HDAC4: variants seen among roughly 807,000 people sequenced by gnomAD.
HDAC4 encodes histone deacetylase A.
Under a neutral mutation model 135.1 loss-of-function variants are expected in HDAC4, and 16 were observed. The observed-to-expected ratio is 0.12, with a 90% CI of 0.08 to 0.18. The LOEUF (loss-of-function observed/expected upper bound fraction) is 0.18, where lower values mean the gene tolerates loss of function less well. Ranked by LOEUF, HDAC4 falls within the 10% of genes least tolerant of loss-of-function variation. The pLI, the probability that HDAC4 is intolerant of heterozygous loss-of-function variation, is 1.00. For missense variants in HDAC4, 1,143 were observed against 1,511.8 expected (o/e 0.76, Z 4.05); for synonymous variants, 685 against 653.4 (o/e 1.05, Z -0.74).
intron 1 of HDAC4, among the ~76,000 whole-genome samples, chr2:239,384,451 C>CAAA (rs5839742): frequency 7.4e-5 from 7 of 95,106 alleles, no homozygotes; most frequent in African/African-American, 2.0e-4. Flanking sequence ...CCTGTCTCTA[C>CAAA]AAAAAAAAAA....
chr2:239,197,127 G>A (rs542781623), intron 3 of HDAC4, among the ~76,000 whole-genome samples: 1 of 152,292 alleles, frequency 6.6e-6, no homozygotes, highest in South Asian at 2.1e-4. Flanking sequence ...CTCCAGCTGT[G>A]TCTTAAAAAG....
chr2:239,247,874 C>T lies in HDAC4; in HGVS notation c.23-11210G>A, dbSNP rs543560856. Among the ~76,000 whole-genome samples, 30 of 152,312 alleles carry T rather than the reference C, an allele frequency of 2.0e-4. 1 individual carries two copies. In the South Asian group the frequency reaches 6.2e-3, roughly 32 times the overall value. ...GGCGCTGACCACAGTGGACCACACCCTCTCCTCCTCTCACCAAACCAGACC... is the reference window on the plus strand; with the variant it reads ...GGCGCTGACCACAGTGGACCACACCTTCTCCTCCTCTCACCAAACCAGACC... On this transcript the variant is annotated intron_variant, in intron 2 of 26. Transcript: ENST00000543185.
intron 24 of HDAC4, among the ~76,000 whole-genome samples, chr2:239,065,265 G>A (rs1408276874): frequency 6.6e-6 from 1 of 152,224 alleles, no homozygotes; most frequent in Non-Finnish European, 1.5e-5. Context: ...GTAAGTGTGT[G>A]ACCGCCTGTC....
At chr2:239,211,053 C>A (rs2046333645) in intron 3 of HDAC4, among the ~76,000 whole-genome samples, 1 of 152,168 alleles carries the variant, frequency 6.6e-6, no homozygotes, top group South Asian at 2.1e-4. Context: ...ATTTGAAAGG[C>A]TGGATGAAGC....
rs146355603 is a variant in HDAC4 at position 239,243,705 on chromosome 2, G to A, written c.23-7041C>T. On this transcript the variant is annotated intron_variant, in intron 2 of 26. Coordinates refer to ENST00000543185, the MANE Select transcript of HDAC4 (RefSeq NM_001378414.1). ...ACAAAGGTGTTGTTTTAGAACAGCTGTGAGTTTATAGAAAAATTAAAGCTA... is the reference window on the plus strand; with the variant it reads ...ACAAAGGTGTTGTTTTAGAACAGCTATGAGTTTATAGAAAAATTAAAGCTA... Among the ~76,000 whole-genome samples the A allele has an allele frequency of 1.1e-4, 16 of 152,294 alleles. No individual in the cohort carries two copies. The East Asian group carries it at 3.1e-3, about 29-fold the overall frequency.
At chr2:239,361,338 C>A (rs1388005226) in intron 1 of HDAC4, among the ~76,000 whole-genome samples, 1 of 152,134 alleles carries the variant, frequency 6.6e-6, no homozygotes, top group African/African-American at 2.4e-5. Context: ...CTTTTGGGGG[C>A]TAGAGTTAAG....
chr2:239,126,358 CCCTT>C, intron 12 of HDAC4, 94 bp downstream of exon 12: 1 of 1,597,524 alleles, frequency 6.3e-7, no homozygotes, highest in Non-Finnish European at 8.5e-7. Flanking sequence ...CTCCTGGCCT[CCCTT>C]AAGGTCAGAA....
rs1377426551 is a variant in HDAC4 at position 239,050,174 on chromosome 2, A to C, written c.*2923T>G. On this transcript the variant is annotated 3_prime_UTR_variant, in exon 27 of 27. Transcript: ENST00000543185. Reference sequence around the variant, plus strand: ...ACATTTGTGAAGCTGGAGTGAGCTGACAGATGAAACGTGCCTCCCCCTGCC... The same window carrying C: ...ACATTTGTGAAGCTGGAGTGAGCTGCCAGATGAAACGTGCCTCCCCCTGCC... 1 of 152,572 alleles carries C rather than the reference A, an allele frequency of 6.6e-6. No individual in the cohort carries two copies. The highest frequency in any genetic ancestry group is 1.5e-5 in the Non-Finnish European group (1 of 68,064). The allele number at this position is 152,572 out of a possible 1,614,324, so 9.5% of individuals were successfully genotyped here. A position where few individuals can be genotyped will look rare whatever the true frequency, so the allele number is the denominator to read the frequency against.
intron 4 of HDAC4, among the ~76,000 whole-genome samples, chr2:239,184,776 C>T (rs28392514): frequency 1.4e-5 from 1 of 73,630 alleles, no homozygotes. Flanking sequence ...TCAGTGTCTG[C>T]CCTGGAGGAT....
At chr2:239,173,470 C>G (rs2043576108) in intron 5 of HDAC4, among the ~76,000 whole-genome samples, 1 of 152,062 alleles carries the variant, frequency 6.6e-6, no homozygotes, top group South Asian at 2.1e-4. Context: ...CATATTGAAA[C>G]CCCGAGCAAA....
intron 24 of HDAC4, among the ~76,000 whole-genome samples, chr2:239,059,554 G>A (rs1236657840): frequency 6.6e-6 from 1 of 152,122 alleles, no homozygotes; most frequent in Non-Finnish European, 1.5e-5. Flanking sequence ...AAGAAATTCT[G>A]GTTGAAATGG....
intron 3 of HDAC4, among the ~76,000 whole-genome samples, chr2:239,213,237 C>T (rs1240464315): frequency 5.6e-3 from 5 of 900 alleles, no homozygotes; most frequent in South Asian, 0.17. Context: ...CAGGGAGGGG[C>T]GGGCGGGGCA....
chr2:239,157,324 T>C (rs2042488231), intron 6 of HDAC4, among the ~76,000 whole-genome samples: 1 of 152,072 alleles, frequency 6.6e-6, no homozygotes. Flanking sequence ...ATCCGTGCCT[T>C]CACCAAACTC....
In HDAC4 at chr2:239,068,379, A is replaced by G. The variant is rs2033797710; in HGVS notation, c.2869+110T>C. On this transcript the variant is annotated intron_variant, in intron 23 of 26. Transcript: ENST00000543185. This position sits in a 1 kb window ranked among gnomAD's most constrained non-coding sequence, Gnocchi z 4.4. ...CGGTCAGAACCTTGGTCATTAGTAA[A>G]AAGGTGCCCTTCCTTATCTCGTTAT... 3 of 807,464 alleles carry G rather than the reference A, an allele frequency of 3.7e-6. No homozygotes were observed. Among genetic ancestry groups the G allele is most frequent in the Non-Finnish European group, 6.4e-6 (3 of 468,492 alleles). The allele number at this position is 807,464 out of a possible 1,614,324, so 50.0% of individuals were successfully genotyped here.
At chr2:239,351,531 T>C (rs887850482) in intron 2 of HDAC4, among the ~76,000 whole-genome samples, 19 of 152,224 alleles carry the variant, frequency 1.2e-4, no homozygotes, top group African/African-American at 4.6e-4. Flanking sequence ...CTTTGAGCCA[T>C]AGCGCTTAAT....
intron 21 of HDAC4, 86 bp downstream of exon 21, chr2:239,082,016 C>T: frequency 2.1e-6 from 3 of 1,456,164 alleles, no homozygotes; most frequent in Admixed American, 1.7e-5. Flanking sequence ...TGCTGCCGGG[C>T]AGCTGTGGAC....
chr2:239,118,989 C>G (rs2039390980), intron 12 of HDAC4, among the ~76,000 whole-genome samples: 1 of 152,158 alleles, frequency 6.6e-6, no homozygotes, highest in African/African-American at 2.4e-5. Context: ...TCGCTGTGAG[C>G]AGGGGTGCCA....
rs554342520 is a variant in HDAC4 at position 239,137,296 on chromosome 2, C to G, written c.978+2388G>C. ...TCAGCATGTGCTCAGAGGGAAAGTC[C>G]GCGGGCCTGAGGTCAGAGCATCCAG... is the stretch of plus-strand genomic sequence containing the variant. On this transcript the variant is annotated intron_variant, in intron 9 of 26. Coordinates refer to ENST00000543185, the MANE Select transcript of HDAC4 (RefSeq NM_001378414.1). Among the ~76,000 whole-genome samples, 4 of 152,326 alleles carry G rather than the reference C, an allele frequency of 2.6e-5. No individual in the cohort carries two copies. In the East Asian group the frequency reaches 7.7e-4, roughly 29 times the overall value.
Position 239,190,015 on chromosome 2 carries a change from G to A in HDAC4, c.157C>T (p.Leu53=). ...ACAGGCAGTGAGAACTGGTGGTCCA[G>A]GCGCAGGTCCATGGGCACTGCCGAG... The part of the protein sequence containing the change: ...APSAVPMDLR[L]DHQFSLPVAE... Residue 53 remains leucine, a synonymous_variant, in exon 4 of 27, where the codon CTG becomes TTG. Coordinates refer to ENST00000543185, the MANE Select transcript of HDAC4 (RefSeq NM_001378414.1). The A allele has an allele frequency of 6.2e-7, 1 of 1,605,496 alleles. No individual in the cohort carries two copies. Among genetic ancestry groups the A allele is most frequent in the South Asian group, 1.1e-5 (1 of 91,056 alleles).
Sources: allele counts gnomAD v4.1 joint callset (sites outside exome capture counted in the v4.1 genomes callset), GRCh38; gene constraint gnomAD v4.1.1; non-coding constraint Gnocchi (gnomAD v3.1); transcripts MANE v1.5; gene names NCBI Gene and HGNC (gene_info 2026-07-23, HGNC 2026-07-21).